ATP6V0A4: variants seen among roughly 807,000 people sequenced by gnomAD.
ATP6V0A4 encodes ATPase H+ transporting V0 subunit a4, also known as V-type proton ATPase 116 kDa subunit a 4.
A neutral mutation model predicts 107.3 loss-of-function variants in ATP6V0A4; 86 were observed. The ratio of observed to expected loss-of-function variants is 0.80; its 90% CI spans 0.67 to 0.96. The LOEUF is 0.96. Ranked by LOEUF, ATP6V0A4 falls within the 40% of genes least tolerant of loss-of-function variation. The pLI is 0.00. For synonymous variants in ATP6V0A4, 353 were observed against 381.4 expected, an observed-to-expected ratio of 0.93 and a Z score of 0.87; for missense variants, 908 against 1,045.6, an observed-to-expected ratio of 0.87 and a Z score of 1.81.
intron 10 of ATP6V0A4, among the ~76,000 whole-genome samples, chr7:138,755,479 C>T (rs552472993): frequency 6.6e-6 from 1 of 152,156 alleles, no homozygotes; most frequent in African/African-American, 2.4e-5. Flanking sequence ...TGACCCTGGG[C>T]AAAGCATTCT....
intron 19 of ATP6V0A4, among the ~76,000 whole-genome samples, chr7:138,718,848 G>A (rs1408119049): frequency 6.6e-6 from 1 of 152,152 alleles, no homozygotes; most frequent in Non-Finnish European, 1.5e-5. Context: ...GAGATGGAGT[G>A]AGCAGGTAGA....
chr7:138,734,310 G>A, intron 15 of ATP6V0A4, 56 bp from the exon 16 acceptor site: 1 of 1,607,298 alleles, frequency 6.2e-7, no homozygotes, highest in Non-Finnish European at 8.5e-7. Context: ...AAGTTCTACT[G>A]GAGTTGAGGG....
At chr7:138,762,096 G>A (rs1317234034) in intron 7 of ATP6V0A4, among the ~76,000 whole-genome samples, 1 of 152,130 alleles carries the variant, frequency 6.6e-6, no homozygotes, top group East Asian at 1.9e-4. Flanking sequence ...TTCCAATGGG[G>A]GAGCAATATA....
intron 19 of ATP6V0A4, among the ~76,000 whole-genome samples, chr7:138,721,048 C>T (rs1010095029): frequency 4.6e-5 from 7 of 152,156 alleles, no homozygotes; most frequent in Non-Finnish European, 8.8e-5. Context: ...AACAGAGCTC[C>T]GGTTAAAGCC....
At chr7:138,714,283 A>G (rs914140296) in intron 20 of ATP6V0A4, among the ~76,000 whole-genome samples, 5 of 149,294 alleles carry the variant, frequency 3.3e-5, no homozygotes, top group Non-Finnish European at 5.9e-5. Context: ...TATGAAACGG[A>G]TGGGTCTGGA....
At chr7:138,767,972 C>T (rs753606624) in intron 5 of ATP6V0A4, among the ~76,000 whole-genome samples, 3 of 152,178 alleles carry the variant, frequency 2.0e-5, no homozygotes, top group Admixed American at 6.5e-5. Context: ...CTTGCTCTGT[C>T]GCCCAGGCTG....
At position 138,732,867 on chromosome 7, in the gene ATP6V0A4, G is replaced by T. The variant is rs368166747; in HGVS notation, c.1908+10C>A. 231 of 1,554,666 alleles carry T rather than the reference G, an allele frequency of 1.5e-4. No individual in the cohort carries two copies. Among genetic ancestry groups the T allele is most frequent in the Non-Finnish European group, 1.9e-4 (220 of 1,146,868 alleles). On this transcript the variant is annotated intron_variant, in intron 17 of 21. Coordinates refer to ENST00000310018, the MANE Select transcript of ATP6V0A4 (RefSeq NM_020632.3). Reference sequence around the variant, plus strand: ...AAAGAAGAGTAAAAAAAAAAAAATAGCAGAAATACCTGATGTTTGTAGAGG... The same window carrying T: ...AAAGAAGAGTAAAAAAAAAAAAATATCAGAAATACCTGATGTTTGTAGAGG...
At chr7:138,729,032 A>ATTTCTCTATCTGCAAGG in intron 17 of ATP6V0A4, 170 bp from the exon 18 acceptor site, 1 of 855,060 alleles carries the variant, frequency 1.2e-6, no homozygotes, top group Non-Finnish European at 1.4e-6. Context: ...CCTTGCAGAT[A>ATTTCTCTATCTGCAAGG]GAGAAATATC....
intron 18 of ATP6V0A4, among the ~76,000 whole-genome samples, chr7:138,726,056 T>C (rs557714006): frequency 6.6e-5 from 10 of 152,124 alleles, no homozygotes; most frequent in Non-Finnish European, 1.3e-4. Context: ...GTGGTGCAAT[T>C]TCGGCTCACT....
At chr7:138,789,054 T>C (rs1808284104) in intron 1 of ATP6V0A4, among the ~76,000 whole-genome samples, 3 of 152,328 alleles carry the variant, frequency 2.0e-5, no homozygotes, top group East Asian at 1.9e-4. Flanking sequence ...GAGATTCTAA[T>C]TGTAATCCGA....
In ATP6V0A4 at chr7:138,795,218, C is replaced by T. The variant is rs144823387; in HGVS notation, c.-121+2816G>A. Among the ~76,000 whole-genome samples the T allele has an allele frequency of 3.9e-5, 6 of 152,178 alleles. No homozygotes were observed. In the South Asian group the frequency reaches 1.0e-3, roughly 26 times the overall value. ...TGCCTGGCCCAGCCTATACTATTTTCGAATAACAAAGTTCTTCCATCTGTA... is the reference window on the plus strand; with the variant it reads ...TGCCTGGCCCAGCCTATACTATTTTTGAATAACAAAGTTCTTCCATCTGTA... On this transcript the variant is annotated intron_variant, in intron 1 of 21. Transcript: ENST00000310018.
chr7:138,715,733 T>A, intron 20 of ATP6V0A4, 31 bp downstream of exon 20: 1 of 1,607,124 alleles, frequency 6.2e-7, no homozygotes, highest in Non-Finnish European at 8.5e-7. Context: ...TGGGGAGAGC[T>A]GACTGTCCCC....
chr7:138,797,969 C>T (rs774855523), intron 1 of ATP6V0A4, 65 bp downstream of exon 1: 362 of 1,542,418 alleles, frequency 2.3e-4, no homozygotes, highest in Non-Finnish European at 3.0e-4. Flanking sequence ...TTCCCCCAAA[C>T]ACCCAGCATA....
intron 1 of ATP6V0A4, 52 bp downstream of exon 1, chr7:138,797,982 T>C (rs930130243): frequency 9.1e-6 from 14 of 1,545,028 alleles, no homozygotes; most frequent in African/African-American, 1.4e-5. Context: ...CCAGCATAAG[T>C]TCACCTCTGG....
chr7:138,776,415 C>A (rs148711360), intron 2 of ATP6V0A4, among the ~76,000 whole-genome samples: 5 of 152,322 alleles, frequency 3.3e-5, no homozygotes, highest in Non-Finnish European at 7.3e-5. Context: ...GTCCAAGAAT[C>A]CAGACACCTG....
intron 13 of ATP6V0A4, among the ~76,000 whole-genome samples, chr7:138,746,507 A>ATT (rs568581159): frequency 2.1e-4 from 31 of 145,204 alleles, no homozygotes; most frequent in African/African-American, 5.8e-4. Context: ...CATTGCAGAT[A>ATT]TTTTTTTTTT....
At chr7:138,768,674 CTTCAAGCAAACAGGTACGGAAT>C in intron 5 of ATP6V0A4, 84 bp downstream of exon 5, 1 of 1,393,136 alleles carries the variant, frequency 7.2e-7, no homozygotes, top group Non-Finnish European at 9.8e-7. Flanking sequence ...GCCTCCCTGC[CTTCAAGCAAACAGGTACGGAAT>C]CTGCAAGTGG....
chr7:138,776,803 C>T (rs1807678667), intron 2 of ATP6V0A4, among the ~76,000 whole-genome samples: 1 of 152,290 alleles, frequency 6.6e-6, no homozygotes, highest in African/African-American at 2.4e-5. Flanking sequence ...GCTATTTAAC[C>T]TCAGGGCCTC....
chr7:138,772,833 A>G (rs888386124), intron 2 of ATP6V0A4, among the ~76,000 whole-genome samples: 1 of 152,154 alleles, frequency 6.6e-6, no homozygotes, highest in African/African-American at 2.4e-5. Context: ...TTAATAGACC[A>G]TCCAAGTCAT....
Sources: gnomAD v4.1 joint callset for allele counts (sites outside exome capture counted in the v4.1 genomes callset) on GRCh38, gnomAD v4.1.1 for gene constraint, MANE v1.5 for transcripts, NCBI Gene and HGNC (gene_info 2026-07-23, HGNC 2026-07-21) for gene names.